IL1RAPL1: variants seen among roughly 807,000 people sequenced by gnomAD.
IL1RAPL1 encodes interleukin-1 receptor accessory protein-like 1.
A neutral mutation model predicts 48.4 loss-of-function variants in IL1RAPL1; 3 were observed. That is an observed-to-expected ratio of 0.06 (90% CI 0.03 to 0.16). IL1RAPL1 has a LOEUF of 0.16. IL1RAPL1 is among the 10% of genes least tolerant of loss of function. The pLI, the probability that IL1RAPL1 is intolerant of heterozygous loss-of-function variation, is 1.00. For synonymous variants in IL1RAPL1, 185 were observed against 187.7 expected, an observed-to-expected ratio of 0.99 and a Z score of 0.12; for missense variants, 349 against 530.6, an observed-to-expected ratio of 0.66 and a Z score of 3.36.
intron 3 of IL1RAPL1, among the ~76,000 whole-genome samples, chrX:29,334,877 G>A (rs1283183030): frequency 3.5e-5 from 4 of 112,840 alleles, no homozygotes; most frequent in African/African-American, 9.7e-5. Flanking sequence ...ACGGGTTGGC[G>A]GCTGGGCAGA....
intron 6 of IL1RAPL1, among the ~76,000 whole-genome samples, chrX:29,879,367 G>A (rs981108673): frequency 1.3e-3 from 125 of 97,205 alleles, no homozygotes; most frequent in African/African-American, 5.2e-3. Context: ...ATGTGTGTGT[G>A]TGTGTGTGTG....
rs759744709 is a variant in IL1RAPL1, at chrX:29,932,769, CTTAT to C, written c.1058-8880_1058-8877del. Among the ~76,000 whole-genome samples the C allele has an allele frequency of 4.5e-5, 5 of 110,843 alleles. No homozygotes were observed. The East Asian group carries it at 1.4e-3, about 31-fold the overall frequency. On this transcript the variant is annotated intron_variant, in intron 8 of 10. Coordinates refer to ENST00000378993, the MANE Select transcript of IL1RAPL1 (RefSeq NM_014271.4). ...CTTAAGTGCTCAATAAATATCAGCT[CTTAT>C]TATTATTATTTATTATTATCTGCTT...
intron 3 of IL1RAPL1, among the ~76,000 whole-genome samples, chrX:29,285,524 CAAAAAAAAAAAAAAAAAAA>C (rs778913919): frequency 2.6e-4 from 3 of 11,569 alleles, no homozygotes; most frequent in African/African-American, 9.3e-4. Context: ...AACTCCGTCT[CAAAAAAAAAAAAAAAAAAA>C]AAAAAAAAAA....
At chrX:29,263,182 A>G (rs1931890896) in intron 2 of IL1RAPL1, among the ~76,000 whole-genome samples, 1 of 111,837 alleles carries the variant, frequency 8.9e-6, no homozygotes, top group Admixed American at 9.6e-5. Flanking sequence ...CTCCTATTAG[A>G]GAGTGAGTTC....
chrX:29,443,065 T>A (rs1197039878), intron 5 of IL1RAPL1, among the ~76,000 whole-genome samples: 1 of 111,199 alleles, frequency 9.0e-6, no homozygotes, highest in Non-Finnish European at 1.9e-5. Context: ...CATTATACGA[T>A]GAAACCTTAG....
chrX:28,604,716 ACT>A (rs1288373758), intron 1 of IL1RAPL1, among the ~76,000 whole-genome samples: 1 of 89,496 alleles, frequency 1.1e-5, no homozygotes, highest in Non-Finnish European at 2.2e-5. Flanking sequence ...ACAGAGCGAG[ACT>A]CAAAAAAAAA....
chrX:28,983,054 A>C (rs773653341), intron 2 of IL1RAPL1: 3 of 112,176 alleles, frequency 2.7e-5, no homozygotes, highest in Non-Finnish European at 5.6e-5. Flanking sequence ...TAATGTAAAT[A>C]TGTTTTAACT....
chrX:28,623,438 C>G (rs1934305835), intron 1 of IL1RAPL1, among the ~76,000 whole-genome samples: 2 of 111,546 alleles, frequency 1.8e-5, no homozygotes, highest in Non-Finnish European at 3.8e-5. Context: ...AAGCCATTGT[C>G]AGCAAATCAA....
intron 3 of IL1RAPL1, among the ~76,000 whole-genome samples, chrX:29,349,876 C>T (rs1933200080): frequency 9.2e-6 from 1 of 108,330 alleles, no homozygotes; most frequent in Admixed American, 1.0e-4. Context: ...CTAGAGTTTT[C>T]CCAGATATAA....
chrX:28,621,004 T>C (rs958292291), intron 1 of IL1RAPL1, among the ~76,000 whole-genome samples: 21 of 112,008 alleles, frequency 1.9e-4, no homozygotes, highest in Non-Finnish European at 3.6e-4. Flanking sequence ...TCACATTGGC[T>C]GTCCCTTGAA....
chrX:29,128,269 T>C (rs1928941932), intron 2 of IL1RAPL1, among the ~76,000 whole-genome samples: 1 of 111,184 alleles, frequency 9.0e-6, no homozygotes, highest in South Asian at 3.8e-4. Context: ...CATTACCTCA[T>C]TGCTCTTTAA....
At chrX:28,774,962 A>G (rs74897613) in intron 1 of IL1RAPL1, among the ~76,000 whole-genome samples, 6,832 of 111,519 alleles carry the variant, frequency 0.061, 366 homozygotes, top group African/African-American at 0.17. Context: ...TATTATTGTT[A>G]TCTACAAATT....
At chrX:28,720,821 A>T (rs905493782) in intron 1 of IL1RAPL1, among the ~76,000 whole-genome samples, 1 of 111,184 alleles carries the variant, frequency 9.0e-6, no homozygotes, top group African/African-American at 3.3e-5. Context: ...TCATTGTTCA[A>T]TTCCCACCTA....
chrX:29,312,902 A>G (rs1403007572), intron 3 of IL1RAPL1, among the ~76,000 whole-genome samples: 1 of 111,090 alleles, frequency 9.0e-6, no homozygotes, highest in African/African-American at 3.3e-5. Flanking sequence ...CTCCTGTCTT[A>G]TTCTCTCTTG....
chrX:29,276,854 TAAAC>T (rs1436573822), intron 2 of IL1RAPL1, among the ~76,000 whole-genome samples: 1 of 111,152 alleles, frequency 9.0e-6, no homozygotes, highest in African/African-American at 3.3e-5. Flanking sequence ...CATAGATAGA[TAAAC>T]AGATAGCTAG....
intron 1 of IL1RAPL1, among the ~76,000 whole-genome samples, chrX:28,740,459 G>A (rs1935893728): frequency 9.0e-6 from 1 of 111,495 alleles, no homozygotes; most frequent in African/African-American, 3.3e-5. Context: ...GTTCCTTGAA[G>A]CAATTTTCTT....
chrX:29,436,902 T>C (rs1358921317), intron 5 of IL1RAPL1, among the ~76,000 whole-genome samples: 1 of 110,453 alleles, frequency 9.1e-6, no homozygotes, highest in Admixed American at 9.7e-5. Flanking sequence ...GTGTTACAAT[T>C]TTTTGGAGAT....
At chrX:29,032,725 G>A (rs180836852) in intron 2 of IL1RAPL1, among the ~76,000 whole-genome samples, 4 of 100,669 alleles carry the variant, frequency 4.0e-5, no homozygotes, top group Admixed American at 3.4e-4. Context: ...ATGCATGAGC[G>A]TGCGCTCACG....
At chrX:28,615,114 T>G (rs1384733842) in intron 1 of IL1RAPL1, among the ~76,000 whole-genome samples, 2 of 107,168 alleles carry the variant, frequency 1.9e-5, no homozygotes, top group Non-Finnish European at 3.8e-5. Context: ...GGTCTCGACC[T>G]CCTGACCTCG....
Sources: allele counts gnomAD v4.1 joint callset (sites outside exome capture counted in the v4.1 genomes callset), GRCh38; gene constraint gnomAD v4.1.1; transcripts MANE v1.5; gene names NCBI Gene and HGNC (gene_info 2026-07-23, HGNC 2026-07-21).